ERI3: variants seen among roughly 807,000 people sequenced by gnomAD.
The protein encoded by ERI3 is ERI1 exoribonuclease family member 3, also known as ERI1 exoribonuclease 3.
ERI3 carries 18 observed loss-of-function variants against 44.4 expected under a neutral mutation model. That is an observed-to-expected ratio of 0.41 (90% CI 0.28 to 0.60). ERI3 has a LOEUF of 0.60. Among genes scored for constraint, ERI3 ranks in the 20% least tolerant of loss-of-function variants. ERI3 has a pLI of 0.36. For missense variants in ERI3, 294 were observed against 435.5 expected (o/e 0.68, Z 2.89); for synonymous variants, 183 against 164.8 (o/e 1.11, Z -0.84).
Position 44,241,846 on chromosome 1 carries a change from ACATACAG to A in ERI3, c.931+6086_931+6092del, listed in dbSNP as rs1644445075. 1 of 449,486 alleles carries A rather than the reference ACATACAG, an allele frequency of 2.2e-6. No individual in the cohort carries two copies. The highest frequency in any genetic ancestry group is 2.1e-5 in the African/African-American group (1 of 46,750). 27.8% of individuals were successfully genotyped at this position (449,486 alleles called of 1,614,324 possible). A position where few individuals can be genotyped will look rare whatever the true frequency, so the allele number is the denominator to read the frequency against. Reference sequence around the variant, plus strand: ...TACATACATACATACATACATACATACATACAGGAGAACCTTCTTCCATCCATCTGTC... The same window carrying A: ...TACATACATACATACATACATACATAGAGAACCTTCTTCCATCCATCTGTC... On this transcript the variant is annotated intron_variant, in intron 8 of 8. Transcript: ENST00000372257. The surrounding 1 kb of genome is among the most constrained non-coding windows in gnomAD (Gnocchi z 5.6).
At chr1:44,269,644 C>T (rs1045612751) in intron 7 of ERI3, among the ~76,000 whole-genome samples, 11 of 152,344 alleles carry the variant, frequency 7.2e-5, no homozygotes, top group African/African-American at 2.6e-4. Flanking sequence ...CAATCCCTAT[C>T]CTTGCCCATT....
At chr1:44,313,635 C>T (rs1212751458) in intron 4 of ERI3, among the ~76,000 whole-genome samples, 2 of 152,090 alleles carry the variant, frequency 1.3e-5, no homozygotes, top group African/African-American at 2.4e-5. Flanking sequence ...CAGAAGTTCC[C>T]GTAAAACTTG....
At chr1:44,279,547 T>C (rs1645245055) in intron 7 of ERI3, among the ~76,000 whole-genome samples, 2 of 152,100 alleles carry the variant, frequency 1.3e-5, no homozygotes, top group African/African-American at 4.8e-5. Flanking sequence ...ATCTCTTATC[T>C]AGGCTTCACC....
At chr1:44,292,207 A>G (rs553434868) in intron 6 of ERI3, among the ~76,000 whole-genome samples, 1 of 152,226 alleles carries the variant, frequency 6.6e-6, no homozygotes, top group South Asian at 2.1e-4. Context: ...TGGGGGTGAC[A>G]GGAAAAGGGA....
chr1:44,324,666 T>G (rs1646272055), intron 3 of ERI3, among the ~76,000 whole-genome samples: 1 of 151,998 alleles, frequency 6.6e-6, no homozygotes, highest in Admixed American at 6.6e-5. Flanking sequence ...GTGCATTTAG[T>G]AGAGACAGAG....
At chr1:44,227,368 A>T (rs1423484782) in intron 8 of ERI3, among the ~76,000 whole-genome samples, 1 of 152,168 alleles carries the variant, frequency 6.6e-6, no homozygotes, top group African/African-American at 2.4e-5. Context: ...ATGCATGGTA[A>T]GGGTGACACA....
intron 7 of ERI3, among the ~76,000 whole-genome samples, chr1:44,282,421 C>T (rs1645308093): frequency 6.6e-6 from 1 of 152,180 alleles, no homozygotes; most frequent in African/African-American, 2.4e-5. Context: ...GAACCAGAGC[C>T]TGGGTCACAC....
At chr1:44,333,491 T>C (rs1646472344) in intron 3 of ERI3, among the ~76,000 whole-genome samples, 1 of 151,978 alleles carries the variant, frequency 6.6e-6, no homozygotes, top group Non-Finnish European at 1.5e-5. Flanking sequence ...GTGGGTTCTT[T>C]CTCCAGGGAA....
At chr1:44,331,429 G>C (rs1646427501) in intron 3 of ERI3, among the ~76,000 whole-genome samples, 2 of 151,954 alleles carry the variant, frequency 1.3e-5, no homozygotes, top group African/African-American at 4.8e-5. Flanking sequence ...TCCTGATAAT[G>C]CCTCAGAGCC....
rs545697414 is a variant in ERI3 at position 44,344,018 on chromosome 1, C to T, written c.212-4696G>A. Among the ~76,000 whole-genome samples the T allele has an allele frequency of 3.3e-5, 5 of 152,014 alleles. No individual in the cohort carries two copies. The South Asian group carries it at 6.2e-4, about 19-fold the overall frequency. On this transcript the variant is annotated intron_variant, in intron 2 of 8. Coordinates refer to ENST00000372257, the MANE Select transcript of ERI3 (RefSeq NM_024066.3). ...CTCTGGGAGGCCAAGGCAGGCAGAT[C>T]GCTTGAGGTCAGGAGTTCAAGACCA... is the stretch of plus-strand genomic sequence containing the variant.
chr1:44,273,595 A>G (rs369466429), intron 7 of ERI3, among the ~76,000 whole-genome samples: 1 of 152,206 alleles, frequency 6.6e-6, no homozygotes, highest in African/African-American at 2.4e-5. Context: ...AAATTCAGAG[A>G]TGGGTGGTAT....
chr1:44,352,708 T>C (rs1646920061), intron 2 of ERI3, 142 bp downstream of exon 2: 4 of 844,354 alleles, frequency 4.7e-6, no homozygotes, highest in Non-Finnish European at 5.5e-6. Flanking sequence ...CAGAAGAAGC[T>C]ACAAAAAAAT....
At chr1:44,255,810 C>A (rs886180832) in intron 7 of ERI3, among the ~76,000 whole-genome samples, 2 of 152,198 alleles carry the variant, frequency 1.3e-5, no homozygotes, top group African/African-American at 4.8e-5. Flanking sequence ...CTCTTCCTTA[C>A]TGCCCACCAA....
At chr1:44,292,843 T>C (rs918985870) in intron 6 of ERI3, among the ~76,000 whole-genome samples, 3 of 152,176 alleles carry the variant, frequency 2.0e-5, no homozygotes, top group Admixed American at 1.3e-4. Flanking sequence ...GAGAGTACTG[T>C]TTGAAATACC....
chr1:44,293,951 C>T (rs1645559818), intron 6 of ERI3, among the ~76,000 whole-genome samples: 1 of 152,200 alleles, frequency 6.6e-6, no homozygotes, highest in Non-Finnish European at 1.5e-5. Flanking sequence ...GCAGAGAAAG[C>T]CCTGGGAATG....
intron 7 of ERI3, among the ~76,000 whole-genome samples, chr1:44,263,049 G>A (rs1211128205): frequency 1.3e-5 from 2 of 152,200 alleles, no homozygotes; most frequent in Non-Finnish European, 2.9e-5. Flanking sequence ...AAGTAAAAGA[G>A]CAAACCACAA....
intron 7 of ERI3, among the ~76,000 whole-genome samples, chr1:44,255,681 C>G (rs1644766334): frequency 6.6e-6 from 1 of 152,164 alleles, no homozygotes; most frequent in African/African-American, 2.4e-5. Flanking sequence ...GTTTAAAGCT[C>G]ATTTCAACAT....
chr1:44,246,685 G>A (rs1644561213), intron 8 of ERI3, among the ~76,000 whole-genome samples: 1 of 152,208 alleles, frequency 6.6e-6, no homozygotes, highest in South Asian at 2.1e-4. Flanking sequence ...GGCAACCCAG[G>A]TGTTTTCTGT....
At chr1:44,237,552 G>C (rs1644333012) in intron 8 of ERI3, among the ~76,000 whole-genome samples, 1 of 152,148 alleles carries the variant, frequency 6.6e-6, no homozygotes, top group African/African-American at 2.4e-5. Context: ...AACCTTGAAG[G>C]CATGAGCCTT....
Sources: allele counts gnomAD v4.1 joint callset (sites outside exome capture counted in the v4.1 genomes callset), GRCh38; gene constraint gnomAD v4.1.1; non-coding constraint Gnocchi (gnomAD v3.1); transcripts MANE v1.5; gene names NCBI Gene and HGNC (gene_info 2026-07-23, HGNC 2026-07-21).